The following DNAH1 variants were observed in gnomAD, a reference collection of about 807,000 sequenced individuals.
DNAH1 encodes the protein axonemal beta dynein heavy chain 1.
Under a neutral mutation model 484.3 loss-of-function variants are expected in DNAH1, and 327 were observed. That is an observed-to-expected ratio of 0.68 (90% CI 0.62 to 0.74). DNAH1 has a LOEUF of 0.74. Among genes scored for constraint, DNAH1 ranks in the 30% least tolerant of loss-of-function variants. The pLI is 0.00. For missense variants in DNAH1, 5,052 were observed against 5,546.8 expected (o/e 0.91, Z 2.83); for synonymous variants, 2,192 against 2,191.9 (o/e 1.00, Z 0.00).
rs190925032 is a variant in DNAH1, at chr3:52,383,930, T to C, written c.8221T>C (p.Trp2741Arg). ...PSLVNCCTID[W>R]FNEWPAEALK... The stretch of plus-strand genomic sequence containing the variant: ...CCTGGTCAACTGCTGTACCATCGAC[T>C]GGTTTAACGAGTGGCCGGCAGAAGC... The change falls in exon 52 of 78, where the codon TGG becomes CGG. Residue 2741 changes from tryptophan (W) to arginine (R), a missense_variant. By Grantham distance (101) the Trp-to-Arg change is moderately radical (BLOSUM62 -3). Coordinates refer to ENST00000420323, the MANE Select transcript of DNAH1 (RefSeq NM_015512.5). 1.2e-6 allele frequency: 2 copies of C among 1,613,532 alleles called. No individual in the cohort carries two copies. The highest frequency in any genetic ancestry group is 2.2e-5 in the East Asian group (1 of 44,880).
At position 52,399,761 on chromosome 3, in the gene DNAH1, A is replaced by C; in HGVS notation, c.12658A>C (p.Lys4220Gln). 3 of 1,613,886 alleles carry C rather than the reference A, an allele frequency of 1.9e-6. No homozygotes were observed. The highest frequency in any genetic ancestry group is 1.7e-6 in the Non-Finnish European group (2 of 1,179,862). ...DQDFYLCPIYKTLTRAGTLST... is the reference protein window; with the variant it reads ...DQDFYLCPIYQTLTRAGTLST... ...GGACTTTTACCTGTGCCCCATCTAC[A>C]AGACACTGACTCGTGCTGGTATGAG... Residue 4220 changes from lysine to glutamine, a missense_variant, in exon 77 of 78, where the codon AAG becomes CAG. Physicochemically the swap from Lys to Gln is moderately conservative, Grantham distance 53. Transcript: ENST00000420323.
chr3:52,383,882 G>A lies in DNAH1; in HGVS notation c.8173G>A (p.Ala2725Thr), dbSNP rs764020185. The A allele has an allele frequency of 6.2e-7, 1 of 1,603,436 alleles. No individual in the cohort carries two copies. The highest frequency in any genetic ancestry group is 2.2e-5 in the East Asian group (1 of 44,622). Reference protein sequence around the residue: ...CMSPIGEVFRARLRQFPSLVN... With the variant: ...CMSPIGEVFRTRLRQFPSLVN... ...CAGCCCCATCGGAGAGGTCTTCCGA[G>A]CTCGTCTGAGGCAGTTTCCCTCCCT... Residue 2725 changes from alanine to threonine, a missense_variant, in exon 52 of 78, where the codon GCT (alanine) becomes ACT (threonine). Physicochemically the swap from Ala to Thr is moderately conservative, Grantham distance 58. Transcript: ENST00000420323.
intron 11 of DNAH1, among the ~76,000 whole-genome samples, chr3:52,347,107 C>T (rs1702174400): frequency 6.6e-6 from 1 of 152,226 alleles, no homozygotes; most frequent in South Asian, 2.1e-4. Context: ...TACATACACA[C>T]AGTCATTGCC....
At chr3:52,343,386 GA>G in intron 8 of DNAH1, among the ~76,000 whole-genome samples, 1 of 152,242 alleles carries the variant, frequency 6.6e-6, no homozygotes, top group Admixed American at 6.5e-5. Context: ...TACCCTGGCA[GA>G]AGGCAGGGAG....
intron 53 of DNAH1, 116 bp downstream of exon 53, chr3:52,385,093 T>C: frequency 1.6e-6 from 2 of 1,280,484 alleles, no homozygotes; most frequent in South Asian, 1.5e-5. Flanking sequence ...CCCACGACGT[T>C]GAAGTGGGTG....
At chr3:52,367,717 G>A (rs1703145504) in intron 36 of DNAH1, among the ~76,000 whole-genome samples, 2 of 152,140 alleles carry the variant, frequency 1.3e-5, no homozygotes, top group South Asian at 2.1e-4. Context: ...GGGATTACAG[G>A]CATGTGCCAC....
upstream of DNAH1, among the ~76,000 whole-genome samples, chr3:52,312,645 A>G (rs1262009829): frequency 3.4e-5 from 5 of 147,540 alleles, no homozygotes; most frequent in African/African-American, 1.3e-4. Context: ...TAATTTTCGT[A>G]TTTGTTTTGT....
intron 44 of DNAH1, chr3:52,373,879 T>C: frequency 8.6e-6 from 12 of 1,396,862 alleles, no homozygotes; most frequent in Non-Finnish European, 1.1e-5. Flanking sequence ...TTTCGAATAT[T>C]ACCACCTTCC....
chr3:52,375,739 C>T lies in DNAH1; in HGVS notation c.7160-216C>T, dbSNP rs368508444. 2.9e-4 allele frequency among the ~76,000 whole-genome samples: 44 copies of T among 152,224 alleles called. 1 individual carries two copies. Among genetic ancestry groups the T allele is most frequent in the African/African-American group, 1.1e-3 (44 of 41,510 alleles). On this transcript the variant is annotated intron_variant, in intron 45 of 77. Transcript: ENST00000420323. ...TCACTCACATACATACATACGTATA[C>T]GTTAGTACTTGCCCAGAAACTCTGG...
Position 52,383,579 on chromosome 3 carries a change from T to A in DNAH1, c.8135T>A (p.Met2712Lys). 6.3e-7 allele frequency: 1 copy of A among 1,593,380 alleles called. No individual in the cohort carries two copies. Among genetic ancestry groups the A allele is most frequent in the Non-Finnish European group, 8.6e-7 (1 of 1,169,454 alleles). Residue 2712 changes from methionine to lysine, a missense_variant, in exon 51 of 78, where the codon ATG (methionine) becomes AAG (lysine). By Grantham distance (95) the Met-to-Lys change is moderately conservative (BLOSUM62 -1). Transcript: ENST00000420323. ...GGGCGTGTGCGCAGCAACATCCACATGGTGCTGTGCATGAGGTACAGGCAG... is the reference window on the plus strand; with the variant it reads ...GGGCGTGTGCGCAGCAACATCCACAAGGTGCTGTGCATGAGGTACAGGCAG... The part of the protein sequence containing the change: ...YTGRVRSNIH[M>K]VLCMSPIGEV...
Position 52,354,839 on chromosome 3 carries a change from C to A in DNAH1, c.3481-4C>A. On this transcript the variant is annotated splice_polypyrimidine_tract_variant and splice_region_variant and intron_variant, in intron 20 of 77. Coordinates refer to ENST00000420323, the MANE Select transcript of DNAH1 (RefSeq NM_015512.5). Reference sequence around the variant, plus strand: ...GACTCAGCCTGGCTTGTCCCCGACCCCAGGCACTGGACAAGATGGAGAAGG... The same window carrying A: ...GACTCAGCCTGGCTTGTCCCCGACCACAGGCACTGGACAAGATGGAGAAGG... The A allele has an allele frequency of 6.2e-7, 1 of 1,613,244 alleles. No individual in the cohort carries two copies. Among genetic ancestry groups the A allele is most frequent in the Non-Finnish European group, 8.5e-7 (1 of 1,179,834 alleles).
intron 28 of DNAH1, among the ~76,000 whole-genome samples, chr3:52,360,702 A>G (rs1423117628): frequency 6.6e-6 from 1 of 152,058 alleles, no homozygotes; most frequent in Non-Finnish European, 1.5e-5. Context: ...AGCTCTCAGC[A>G]CAGGTGTGGC....
In DNAH1 at chr3:52,388,585, G is replaced by A; in HGVS notation, c.9339G>A (p.Glu3113=). 1.2e-6 allele frequency: 2 copies of A among 1,612,414 alleles called. No individual in the cohort carries two copies. Among genetic ancestry groups the A allele is most frequent in the South Asian group, 1.1e-5 (1 of 90,860 alleles). The part of the protein sequence containing the change: ...EELELKCEQC[E]QRLGRAGKLI... ...TGGAGCTGAAGTGTGAGCAGTGTGA[G>A]CAGCGGCTGGGCCGAGCTGGCAAGG... Residue 3113 remains glutamate, a synonymous_variant, in exon 58 of 78, where the codon GAG becomes GAA. Transcript: ENST00000420323.
intron 23 of DNAH1, 79 bp from the exon 24 acceptor site, chr3:52,357,819 G>A (rs1305063676): frequency 1.3e-5 from 20 of 1,578,440 alleles, no homozygotes; most frequent in Middle Eastern, 3.3e-4. Flanking sequence ...GCTAGGGTGC[G>A]GGGATGTCAG....
Position 52,361,662 on chromosome 3 carries a change from G to A in DNAH1, c.4876G>A (p.Ala1626Thr). The change falls in exon 30 of 78, where the codon GCT becomes ACT. Residue 1626 changes from alanine to threonine, a missense_variant and splice_region_variant. Ala to Thr is a moderately conservative substitution (Grantham distance 58). Coordinates refer to ENST00000420323, the MANE Select transcript of DNAH1 (RefSeq NM_015512.5). This position sits in a 1 kb window ranked among gnomAD's most constrained non-coding sequence, Gnocchi z 5.6. ...MGKFFKGLASAGAWACFDEFN... is the reference protein window; with the variant it reads ...MGKFFKGLASTGAWACFDEFN... ...ATCCAATGTTCCGGCCTCACTCAGT[G>A]CTGGGGCCTGGGCCTGCTTCGACGA... The A allele has an allele frequency of 6.2e-7, 1 of 1,603,214 alleles. No individual in the cohort carries two copies. Among genetic ancestry groups the A allele is most frequent in the Non-Finnish European group, 8.5e-7 (1 of 1,175,178 alleles).
In DNAH1 at chr3:52,361,698, A is replaced by T. The variant is rs1463096396; in HGVS notation, c.4912A>T (p.Ile1638Phe). ...AWACFDEFNR[I>F]DIEVLSVVAQ... ...GGCCTGCTTCGACGAGTTCAATCGC[A>T]TCGACATCGAGGTGCTGTCTGTGGT... Residue 1638 changes from isoleucine (I) to phenylalanine (F), a missense_variant, in exon 30 of 78, where the codon ATC becomes TTC. Physicochemically the swap from Ile to Phe is conservative, Grantham distance 21 (BLOSUM62 0). Around this residue, in one of 4 missense-constraint regions of DNAH1, gnomAD observed 2,929 missense variants for 3,409.4 expected, o/e 0.86. Transcript: ENST00000420323. This position sits in a 1 kb window ranked among gnomAD's most constrained non-coding sequence, Gnocchi z 5.6. The T allele has an allele frequency of 6.2e-7, 1 of 1,611,156 alleles. No individual in the cohort carries two copies. Among genetic ancestry groups the T allele is most frequent in the East Asian group, 2.2e-5 (1 of 44,808 alleles).
Position 52,361,835 on chromosome 3 carries a change from G to T in DNAH1, c.4980+69G>T, listed in dbSNP as rs1578142743. On this transcript the variant is annotated intron_variant, in intron 30 of 77. Coordinates refer to ENST00000420323, the MANE Select transcript of DNAH1 (RefSeq NM_015512.5). This position sits in a 1 kb window ranked among gnomAD's most constrained non-coding sequence, Gnocchi z 5.6. ...TCACGCCGCCATACTGCTCCCCATT[G>T]CAGGCTGAGAAGCCAGGCGCTAAGG... is the stretch of plus-strand genomic sequence containing the variant. The T allele has an allele frequency of 1.3e-6, 2 of 1,493,902 alleles. No homozygotes were observed. Among genetic ancestry groups the T allele is most frequent in the East Asian group, 2.5e-5 (1 of 40,374 alleles). 92.5% of individuals were successfully genotyped at this position (1,493,902 alleles called of 1,614,324 possible). A position where few individuals can be genotyped will look rare whatever the true frequency, so the allele number is the denominator to read the frequency against.
rs762291689 is a variant in DNAH1 at position 52,353,479 on chromosome 3, G to A, written c.3326G>A (p.Arg1109Gln). 27 of 1,613,796 alleles carry A rather than the reference G, an allele frequency of 1.7e-5. No homozygotes were observed. Among genetic ancestry groups the A allele is most frequent in the South Asian group, 1.2e-4 (11 of 91,092 alleles). ...CTGCGCAACCCTGGCATGCGGATCC[G>A]GCACTGGGAGACACTGTCCAACCAG... ...QGLRNPGMRI[R>Q]HWETLSNQIN... The change falls in exon 20 of 78, where the codon CGG (arginine) becomes CAG (glutamine). Residue 1109 changes from arginine (R) to glutamine (Q), a missense_variant. Transcript: ENST00000420323. The surrounding 1 kb of genome is among the most constrained non-coding windows in gnomAD (Gnocchi z 5.0).
In DNAH1 at chr3:52,369,697, C is replaced by T. The variant is rs1042354488; in HGVS notation, c.5944-128C>T. 2.4e-5 allele frequency: 24 copies of T among 1,012,026 alleles called. No individual in the cohort carries two copies. In the African/African-American group the frequency reaches 2.9e-4, roughly 12 times the overall value. 62.7% of individuals were successfully genotyped at this position (1,012,026 alleles called of 1,614,324 possible). A position where few individuals can be genotyped will look rare whatever the true frequency, so the allele number is the denominator to read the frequency against. ...CGGTTCCTGTCCCACCCAGCACTGC[C>T]CCTGCCCCACAGCCTGCCCACACCG... On this transcript the variant is annotated intron_variant, in intron 37 of 77. Coordinates refer to ENST00000420323, the MANE Select transcript of DNAH1 (RefSeq NM_015512.5).
Sources: allele counts gnomAD v4.1 joint callset (sites outside exome capture counted in the v4.1 genomes callset), GRCh38; gene constraint gnomAD v4.1.1; regional missense constraint gnomAD v4.1.1; non-coding constraint Gnocchi (gnomAD v3.1); transcripts MANE v1.5; gene names NCBI Gene and HGNC (gene_info 2026-07-23, HGNC 2026-07-21).